The following USO1 variants were observed in gnomAD, a reference collection of about 807,000 sequenced individuals.
USO1 encodes the protein USO1 vesicle transport factor, also known as general vesicular transport factor p115.
In USO1, 57 loss-of-function variants were observed where a neutral mutation model predicts 124.5. The observed-to-expected ratio is 0.46, with a 90% confidence interval of 0.37 to 0.57. The LOEUF (loss-of-function observed/expected upper bound fraction) is 0.57, where lower values mean the gene tolerates loss of function less well. Ranked by LOEUF, USO1 falls within the 20% of genes least tolerant of loss-of-function variation. USO1 has a pLI of 0.00. For missense variants in USO1, 900 were observed against 1,040.6 expected (o/e 0.86, Z 1.86); for synonymous variants, 369 against 362.8 (o/e 1.02, Z -0.19).
At chr4:75,734,485 A>G (rs1032401495) in intron 1 of USO1, among the ~76,000 whole-genome samples, 1 of 151,906 alleles carries the variant, frequency 6.6e-6, no homozygotes, top group African/African-American at 2.4e-5. Flanking sequence ...ATCCTGTTCC[A>G]TTGCTCCATG....
Position 75,805,257 on chromosome 4 carries a change from T to G in USO1, c.2243T>G (p.Leu748Arg), listed in dbSNP as rs765043979. Residue 748 changes from leucine to arginine, a missense_variant, in exon 19 of 24, where the codon CTT (leucine) becomes CGT (arginine). Leu to Arg is a moderately radical substitution (Grantham distance 102). Transcript: ENST00000514213. ...EIEELKRNQE[L>R]LQSQLTEKDS... ...GAAGAATTAAAACGTAATCAGGAAC[T>G]TTTACAAAGCCAGCTGACTGAAAAG... The G allele has an allele frequency of 6.2e-7, 1 of 1,611,656 alleles. No individual in the cohort carries two copies. The highest frequency in any genetic ancestry group is 1.3e-5 in the African/African-American group (1 of 74,816).
At chr4:75,740,539 G>A (rs569080515) in intron 1 of USO1, among the ~76,000 whole-genome samples, 16 of 152,104 alleles carry the variant, frequency 1.1e-4, no homozygotes, top group Non-Finnish European at 2.1e-4. Flanking sequence ...CCTCCTTTTC[G>A]GCCTCCCAGA....
chr4:75,810,792 G>A (rs752313792), intron 22 of USO1, among the ~76,000 whole-genome samples: 4 of 151,970 alleles, frequency 2.6e-5, no homozygotes, highest in African/African-American at 7.3e-5. Context: ...GTACAGTGGC[G>A]CGATCTCGGC....
At chr4:75,739,822 C>A (rs540426743) in intron 1 of USO1, among the ~76,000 whole-genome samples, 10 of 152,184 alleles carry the variant, frequency 6.6e-5, no homozygotes, top group African/African-American at 2.4e-4. Context: ...GGATTACAGG[C>A]GTGAGCCACC....
intron 4 of USO1, among the ~76,000 whole-genome samples, chr4:75,762,466 C>T (rs928596117): frequency 1.3e-5 from 2 of 151,588 alleles, no homozygotes; most frequent in African/African-American, 2.4e-5. Context: ...CCAGCCAGAA[C>T]AATATTTTTA....
chr4:75,806,311 A>G (rs2149193908), intron 19 of USO1, among the ~76,000 whole-genome samples, 175 bp from the exon 20 acceptor site: 1 of 152,300 alleles, frequency 6.6e-6, no homozygotes, highest in Middle Eastern at 3.4e-3. Context: ...GCCATGAAAA[A>G]GTTGTAGACA....
At chr4:75,771,545 T>C (rs1280210119) in intron 7 of USO1, among the ~76,000 whole-genome samples, 1 of 152,232 alleles carries the variant, frequency 6.6e-6, no homozygotes, top group Non-Finnish European at 1.5e-5. Context: ...TGCTGAAAGG[T>C]TGTATTTGAC....
intron 4 of USO1, among the ~76,000 whole-genome samples, chr4:75,769,914 GA>G (rs915076000): frequency 1.3e-5 from 2 of 152,076 alleles, no homozygotes; most frequent in Non-Finnish European, 2.9e-5. Flanking sequence ...AAGATACTGA[GA>G]AATCTGGAGT....
intron 1 of USO1, among the ~76,000 whole-genome samples, chr4:75,730,361 A>C (rs545397854): frequency 3.3e-5 from 5 of 152,336 alleles, no homozygotes; most frequent in African/African-American, 1.2e-4. Context: ...GTATTTATGC[A>C]AGGTTTTGTA....
chr4:75,798,854 G>C (rs984631077), intron 13 of USO1, among the ~76,000 whole-genome samples: 2 of 151,836 alleles, frequency 1.3e-5, no homozygotes, highest in African/African-American at 4.8e-5. Context: ...AAAGATACAG[G>C]TTATAGGAAT....
At position 75,752,547 on chromosome 4, in the gene USO1, G is replaced by A. The variant is rs905180462; in HGVS notation, c.161G>A (p.Arg54His). Residue 54 changes from arginine (R) to histidine (H), a missense_variant, in exon 3 of 24, where the codon CGC becomes CAC. Transcript: ENST00000514213. ...TTTATTTTTTATGTGCAGAAATACC[G>A]CTTGGAAGTGGGTATACAAGCTATG... ...RALKSLSKKYRLEVGIQAMEH... is the reference protein window; with the variant it reads ...RALKSLSKKYHLEVGIQAMEH... The A allele has an allele frequency of 4.0e-5, 16 of 398,236 alleles. No homozygotes were observed. Among genetic ancestry groups the A allele is most frequent in the South Asian group, 1.3e-4 (1 of 7,844 alleles). 24.7% of individuals were successfully genotyped at this position (398,236 alleles called of 1,614,324 possible). A position where few individuals can be genotyped will look rare whatever the true frequency, so the allele number is the denominator to read the frequency against.
intron 10 of USO1, among the ~76,000 whole-genome samples, chr4:75,788,813 G>A (rs1017063897): frequency 3.3e-5 from 5 of 151,870 alleles, no homozygotes; most frequent in Admixed American, 6.6e-5. Context: ...GATTACAGGC[G>A]TGAGCCACTG....
chr4:75,734,446 A>G (rs1720729661), intron 1 of USO1, among the ~76,000 whole-genome samples: 1 of 152,236 alleles, frequency 6.6e-6, no homozygotes, highest in East Asian at 1.9e-4. Context: ...AGATGGTTGT[A>G]GGTGTGTGGC....
Position 75,774,757 on chromosome 4 carries a change from C to T in USO1, c.637C>T (p.Leu213=), listed in dbSNP as rs1222608227. Residue 213 remains leucine (L), a synonymous_variant, in exon 8 of 24, where the codon CTA becomes TTA. Transcript: ENST00000514213. ...IVAFENAFER[L]LDIISEEGNS... is the part of the protein sequence containing the mutation. ...TGCTTTTGAAAATGCTTTCGAGAGA[C>T]TACTGGACATTATTTCAGAGGAGGG... The T allele has an allele frequency of 1.9e-6, 3 of 1,613,696 alleles. No homozygotes were observed. The highest frequency in any genetic ancestry group is 1.7e-5 in the Admixed American group (1 of 60,012).
chr4:75,775,043 A>C (rs1367566851), intron 8 of USO1, among the ~76,000 whole-genome samples: 1 of 152,006 alleles, frequency 6.6e-6, no homozygotes, highest in Non-Finnish European at 1.5e-5. Flanking sequence ...CTGTATTGCT[A>C]GGTTTCTTTT....
intron 10 of USO1, 29 bp from the exon 11 acceptor site, chr4:75,790,121 A>G: frequency 2.6e-6 from 4 of 1,532,700 alleles, no homozygotes; most frequent in Non-Finnish European, 2.6e-6. Context: ...ATTTCTCTAA[A>G]TGTTCTTTTT....
At chr4:75,754,086 CTTT>C (rs34901759) in intron 3 of USO1, among the ~76,000 whole-genome samples, 1 of 134,136 alleles carries the variant, frequency 7.5e-6, no homozygotes, top group African/African-American at 2.8e-5. Context: ...CGCGCCCAGC[CTTT>C]TTTTTTTTTT....
chr4:75,771,251 CT>C (rs34596389), intron 7 of USO1, 114 bp downstream of exon 7: 6 of 1,232,824 alleles, frequency 4.9e-6, no homozygotes, highest in African/African-American at 1.5e-5. Flanking sequence ...GAGTAATGAC[CT>C]TTTTTTAAAA....
chr4:75,805,381 G>C lies in USO1; in HGVS notation c.2289+78G>C, dbSNP rs147819440. On this transcript the variant is annotated intron_variant, in intron 19 of 23. Coordinates refer to ENST00000514213, the MANE Select transcript of USO1 (RefSeq NM_003715.4). Reference sequence around the variant, plus strand: ...ATCCTGCCTTTTTTTTTTTTCCTTGGATCTCTTAAGCCAGAATATCATATG... The same window carrying C: ...ATCCTGCCTTTTTTTTTTTTCCTTGCATCTCTTAAGCCAGAATATCATATG... 2,211 of 1,440,232 alleles carry C rather than the reference G, an allele frequency of 1.5e-3. 5 individuals carry two copies. Among genetic ancestry groups the C allele is most frequent in the Admixed American group, 2.8e-3 (97 of 34,604 alleles). 89.2% of individuals were successfully genotyped at this position (1,440,232 alleles called of 1,614,324 possible).
Sources: allele counts gnomAD v4.1 joint callset (sites outside exome capture counted in the v4.1 genomes callset), GRCh38; gene constraint gnomAD v4.1.1; transcripts MANE v1.5; gene names NCBI Gene and HGNC (gene_info 2026-07-23, HGNC 2026-07-21).